The following GABRB3 variants were observed in gnomAD, a reference collection of about 807,000 sequenced individuals.
GABRB3 encodes gamma-aminobutyric acid receptor subunit beta-3.
In GABRB3, 14 loss-of-function variants were observed where a neutral mutation model predicts 52.1. The ratio of observed to expected loss-of-function variants is 0.27; its 90% CI spans 0.18 to 0.42. The LOEUF is 0.42. Ranked by LOEUF, GABRB3 falls within the 10% of genes least tolerant of loss-of-function variation. The pLI, the probability that GABRB3 is intolerant of heterozygous loss-of-function variation, is 1.00. For synonymous variants in GABRB3, 260 were observed against 232.3 expected (o/e 1.12, Z -1.08); for missense variants, 307 against 609.1 (o/e 0.50, Z 5.22).
chr15:26,671,300 G>A (rs927560374), intron 3 of GABRB3, among the ~76,000 whole-genome samples: 2 of 152,116 alleles, frequency 1.3e-5, no homozygotes, highest in African/African-American at 4.8e-5. Flanking sequence ...GAAATAAACA[G>A]AATTCATTAT....
At chr15:26,592,411 T>C (rs898253581) in intron 4 of GABRB3, among the ~76,000 whole-genome samples, 1 of 152,138 alleles carries the variant, frequency 6.6e-6, no homozygotes, top group Non-Finnish European at 1.5e-5. Context: ...ACATTCTGAA[T>C]AGAAGAAGAG....
rs1439841250 is a variant in GABRB3 at position 26,752,229 on chromosome 15, T to TTTTTTTTA, written c.240+20172_240+20173insTAAAAAAA. On this transcript the variant is annotated intron_variant, in intron 3 of 8. Coordinates refer to ENST00000311550, the MANE Select transcript of GABRB3 (RefSeq NM_000814.6). ...CAGAATTGATCGCTTGCTCTCTTTATTTTATTTATTTATTTATTTATTTAT... is the reference window on the plus strand; with the variant it reads ...CAGAATTGATCGCTTGCTCTCTTTATTTTTTTTATTTATTTATTTATTTATTTATTTAT... Among the ~76,000 whole-genome samples, 14 of 140,370 alleles carry TTTTTTTTA rather than the reference T, an allele frequency of 1.0e-4. No homozygotes were observed. In the South Asian group the frequency reaches 2.6e-3, roughly 26 times the overall value. 92.1% of individuals were successfully genotyped at this position (140,370 alleles called of 152,430 possible).
intron 3 of GABRB3, among the ~76,000 whole-genome samples, chr15:26,694,575 C>T (rs571226671): frequency 1.3e-5 from 2 of 152,168 alleles, no homozygotes; most frequent in African/African-American, 4.8e-5. Flanking sequence ...GAACCCCTAG[C>T]CAGATAAATA....
At chr15:26,570,269 C>A (rs868207511) in intron 6 of GABRB3, among the ~76,000 whole-genome samples, 1 of 152,178 alleles carries the variant, frequency 6.6e-6, no homozygotes. Context: ...AACAGCAAAC[C>A]GGTTTCTCCA....
intron 7 of GABRB3, among the ~76,000 whole-genome samples, chr15:26,565,805 G>A (rs951593183): frequency 6.6e-6 from 1 of 152,020 alleles, no homozygotes; most frequent in Non-Finnish European, 1.5e-5. Flanking sequence ...ACTAACTATC[G>A]CAGTGACGGC....
At chr15:26,750,026 G>C (rs898562333) in intron 3 of GABRB3, 3 of 152,172 alleles carry the variant, frequency 2.0e-5, no homozygotes, top group Non-Finnish European at 4.4e-5. Flanking sequence ...ATCTTGGCCA[G>C]AATTGGAAAT....
chr15:26,637,770 C>CAAT (rs1487385148), intron 3 of GABRB3, among the ~76,000 whole-genome samples: 1 of 152,210 alleles, frequency 6.6e-6, no homozygotes, highest in Non-Finnish European at 1.5e-5. Context: ...GCGAGACAGA[C>CAAT]ACATTTCCTT....
intron 3 of GABRB3, among the ~76,000 whole-genome samples, chr15:26,712,831 T>C (rs902255241): frequency 6.6e-6 from 1 of 152,082 alleles, no homozygotes; most frequent in African/African-American, 2.4e-5. Flanking sequence ...AGAGCAGATA[T>C]CGTGGCCGGA....
chr15:26,716,152 T>C (rs1889459006), intron 3 of GABRB3, among the ~76,000 whole-genome samples: 1 of 152,170 alleles, frequency 6.6e-6, no homozygotes, highest in Non-Finnish European at 1.5e-5. Flanking sequence ...TGTAAGATTG[T>C]ATTGATTTTT....
At chr15:26,696,671 C>T (rs1595535850) in intron 3 of GABRB3, among the ~76,000 whole-genome samples, 1 of 152,202 alleles carries the variant, frequency 6.6e-6, no homozygotes. Flanking sequence ...GGCAATCTGA[C>T]TCTTGTCTCC....
chr15:26,574,253 C>T (rs547322021), intron 6 of GABRB3, among the ~76,000 whole-genome samples: 2 of 152,164 alleles, frequency 1.3e-5, no homozygotes, highest in South Asian at 4.2e-4. Flanking sequence ...ATAAAAAAGA[C>T]AGAAAATAAC....
At chr15:26,584,897 C>A (rs934437761) in intron 4 of GABRB3, among the ~76,000 whole-genome samples, 1 of 152,146 alleles carries the variant, frequency 6.6e-6, no homozygotes. Flanking sequence ...CATGACATGG[C>A]CTGAGTTGAA....
chr15:26,709,642 C>T (rs59879492), intron 3 of GABRB3, among the ~76,000 whole-genome samples: 10,032 of 150,884 alleles, frequency 0.066, 564 homozygotes, highest in East Asian at 0.36. Context: ...CTCAGCCTCC[C>T]GAGTAGCTGG....
At chr15:26,567,535 G>A in intron 7 of GABRB3, 46 bp downstream of exon 7, 1 of 1,586,428 alleles carries the variant, frequency 6.3e-7, no homozygotes, top group South Asian at 1.1e-5. Context: ...ATACTGTAAT[G>A]ATACGGTTAC....
rs1398840662 is a variant in GABRB3 at position 26,636,223 on chromosome 15, G to C, written c.241-14689C>G. 8.5e-5 allele frequency among the ~76,000 whole-genome samples: 13 copies of C among 152,164 alleles called. No homozygotes were observed. The East Asian group carries it at 2.5e-3, about 29-fold the overall frequency. ...TTCTACTTTTTGAACAAAGGACCTT[G>C]TACTTTCATTTTGCACTAGGCCCCT... On this transcript the variant is annotated intron_variant, in intron 3 of 8. Coordinates refer to ENST00000311550, the MANE Select transcript of GABRB3 (RefSeq NM_000814.6).
intron 3 of GABRB3, among the ~76,000 whole-genome samples, chr15:26,736,508 G>A (rs1312723053): frequency 6.6e-6 from 1 of 152,246 alleles, no homozygotes; most frequent in Non-Finnish European, 1.5e-5. Context: ...TTTGCTAAAT[G>A]TTTGTATCAG....
At chr15:26,585,460 G>A (rs968414417) in intron 4 of GABRB3, among the ~76,000 whole-genome samples, 4 of 152,120 alleles carry the variant, frequency 2.6e-5, no homozygotes, top group African/African-American at 9.7e-5. Context: ...TGCCAATACT[G>A]ATGGACTTGT....
chr15:26,568,229 G>A (rs1274616321), intron 6 of GABRB3, among the ~76,000 whole-genome samples: 1 of 152,106 alleles, frequency 6.6e-6, no homozygotes, highest in Non-Finnish European at 1.5e-5. Flanking sequence ...GAATGAGAGA[G>A]GCAGAGAAGC....
At chr15:26,556,283 A>G (rs181908138) in intron 8 of GABRB3, among the ~76,000 whole-genome samples, 1 of 152,286 alleles carries the variant, frequency 6.6e-6, no homozygotes, top group Admixed American at 6.5e-5. Context: ...GTTTTTTCCT[A>G]AAATATGTCA....
Sources: allele counts gnomAD v4.1 joint callset (sites outside exome capture counted in the v4.1 genomes callset), GRCh38; gene constraint gnomAD v4.1.1; transcripts MANE v1.5; gene names NCBI Gene and HGNC (gene_info 2026-07-23, HGNC 2026-07-21).